CIMAP1B: variants seen among roughly 807,000 people sequenced by gnomAD.
The protein encoded by CIMAP1B is orf2 5' to PD-ECGF/TP.
chr22:50,530,492 G>C, the CIMAP1B span: 1 of 1,599,056 alleles, frequency 6.3e-7, no homozygotes, highest in South Asian at 1.1e-5. Flanking sequence ...AGTTGTCCGC[G>C]TCGGTCACCA....
chr22:50,531,437 C>T, the CIMAP1B span: 2 of 1,081,920 alleles, frequency 1.8e-6, no homozygotes, highest in Middle Eastern at 2.0e-4. Flanking sequence ...GATTTGAGAT[C>T]CGGATATGGG....
the CIMAP1B span, chr22:50,531,035 A>G: frequency 1.4e-5 from 22 of 1,608,806 alleles, no homozygotes; most frequent in Non-Finnish European, 1.9e-5. Context: ...CCCAAGAGCG[A>G]GGGCACCGTA....
At chr22:50,531,548 C>CG in the CIMAP1B span, 1 of 1,385,770 alleles carries the variant, frequency 7.2e-7, no homozygotes, top group East Asian at 2.9e-5. Context: ...GTTGGGGTGG[C>CG]CAGGGGCCCG....
chr22:50,531,501 G>A, the CIMAP1B span: 1 of 1,341,110 alleles, frequency 7.5e-7, no homozygotes. Flanking sequence ...GTTCAGGTCG[G>A]GGGTTCCCAG....
chr22:50,530,957 A>G, the CIMAP1B span: 2 of 1,611,094 alleles, frequency 1.2e-6, no homozygotes, highest in African/African-American at 2.7e-5. Flanking sequence ...TCCTCGAAGA[A>G]ACTGCCAGCC....
At chr22:50,531,810 C>A in the CIMAP1B span, 1 of 1,345,866 alleles carries the variant, frequency 7.4e-7, no homozygotes. Flanking sequence ...CCGGGCCCAG[C>A]CCCAAGCCCC....
At chr22:50,532,427 G>C in the CIMAP1B span, 1 of 218,214 alleles carries the variant, frequency 4.6e-6, no homozygotes, top group African/African-American at 2.3e-5. Context: ...GGGAAAGGGT[G>C]CCCCGGGAAG....
chr22:50,531,559 G>A, the CIMAP1B span: 1 of 1,426,952 alleles, frequency 7.0e-7, no homozygotes, highest in East Asian at 2.7e-5. Context: ...CAGGGGCCCG[G>A]GGGTCCTGAC....
the CIMAP1B span, chr22:50,530,843 G>A: frequency 1.2e-6 from 2 of 1,604,748 alleles, no homozygotes; most frequent in East Asian, 4.5e-5. Context: ...TAGGCGCAGG[G>A]GCCCGGGGTC....
chr22:50,531,852 C>T, the CIMAP1B span: 1 of 1,328,196 alleles, frequency 7.5e-7, no homozygotes, highest in Non-Finnish European at 9.7e-7. Context: ...CCGGCACAGA[C>T]CCCCTCTCCC....
chr22:50,531,381 AG>A, the CIMAP1B span: 93 of 1,184,370 alleles, frequency 7.9e-5, no homozygotes, highest in South Asian at 1.3e-3. Flanking sequence ...ACTAGTGGGG[AG>A]TCTGAGCCAC....
the CIMAP1B span, chr22:50,532,094 G>A: frequency 2.9e-5 from 39 of 1,360,502 alleles, no homozygotes; most frequent in African/African-American, 4.6e-4. Flanking sequence ...GGTGGGGGGC[G>A]CTTACGGCTC....
chr22:50,530,849 G>T, the CIMAP1B span: 2 of 1,604,922 alleles, frequency 1.2e-6, no homozygotes, highest in Admixed American at 3.4e-5. Context: ...CAGGGGCCCG[G>T]GGTCTGCGAG....
chr22:50,531,616 G>C, the CIMAP1B span: 3 of 1,405,762 alleles, frequency 2.1e-6, no homozygotes, highest in Non-Finnish European at 2.8e-6. Flanking sequence ...GGCGGCCGTA[G>C]ATGGAGTAGG....
At chr22:50,531,748 C>T in the CIMAP1B span, 10 of 1,371,812 alleles carry the variant, frequency 7.3e-6, no homozygotes, top group East Asian at 3.1e-5. Flanking sequence ...GGGCGCGCGG[C>T]CGCGACGGGT....
chr22:50,531,676 G>A, the CIMAP1B span: 1 of 1,369,982 alleles, frequency 7.3e-7, no homozygotes, highest in Non-Finnish European at 9.4e-7. Context: ...GCACCAGGTG[G>A]CCTGGCCCGG....
At chr22:50,532,256 C>A in the CIMAP1B span, 6 of 872,674 alleles carry the variant, frequency 6.9e-6, no homozygotes, top group Non-Finnish European at 9.1e-6. Flanking sequence ...GCTTCCTTCC[C>A]GGCTGTGTGG....
chr22:50,531,392 C>T, the CIMAP1B span: 244 of 1,154,688 alleles, frequency 2.1e-4, no homozygotes, highest in Non-Finnish European at 6.3e-5. Context: ...GTCTGAGCCA[C>T]GATTTATCAA....
At chr22:50,531,267 G>A in the CIMAP1B span, 1 of 1,610,144 alleles carries the variant, frequency 6.2e-7, no homozygotes, top group South Asian at 1.1e-5. Context: ...GGTACGTCGC[G>A]TTCCCCGCTC....
Sources: allele counts gnomAD v4.1 joint callset, GRCh38; gene constraint gnomAD v4.1.1; transcripts MANE v1.5; gene names NCBI Gene and HGNC (gene_info 2026-07-23, HGNC 2026-07-21).